Variants in XKR6 observed in about 807,000 individuals in gnomAD.
XKR6 encodes the protein XK related 6, also known as XK-related protein 6.
A neutral mutation model predicts 56.7 loss-of-function variants in XKR6; 22 were observed. The ratio of observed to expected loss-of-function variants is 0.39; its 90% CI spans 0.28 to 0.55. The LOEUF is 0.55. Among genes scored for constraint, XKR6 ranks in the 20% least tolerant of loss-of-function variants. The pLI is 0.66. For missense variants in XKR6, 852 were observed against 889.0 expected (o/e 0.96, Z 0.53); for synonymous variants, 524 against 387.8 (o/e 1.35, Z -4.13).
At chr8:11,195,157 G>T (rs1233730043) in intron 1 of XKR6, 1 of 703,284 alleles carries the variant, frequency 1.4e-6, no homozygotes, top group Admixed American at 2.0e-5. Context: ...GAAACCAGGT[G>T]AGGCAACTTC....
intron 1 of XKR6, among the ~76,000 whole-genome samples, chr8:10,968,438 G>C (rs144565864): frequency 6.6e-6 from 1 of 152,224 alleles, no homozygotes; most frequent in Admixed American, 6.5e-5. Flanking sequence ...CCCCAGCTTT[G>C]TGCCCTCAGG....
intron 1 of XKR6, among the ~76,000 whole-genome samples, chr8:11,173,137 C>T (rs1481669747): frequency 6.6e-6 from 1 of 150,790 alleles, no homozygotes; most frequent in Non-Finnish European, 1.5e-5. Context: ...AGATCGAGAC[C>T]ATCCTGGCTA....
chr8:10,982,975 A>G (rs987535338), intron 1 of XKR6, among the ~76,000 whole-genome samples: 22 of 152,158 alleles, frequency 1.4e-4, no homozygotes, highest in African/African-American at 5.1e-4. Context: ...CTCTAAGCCT[A>G]TTTTCTTATT....
intron 1 of XKR6, among the ~76,000 whole-genome samples, chr8:10,948,111 C>T (rs1187946366): frequency 6.6e-6 from 1 of 152,176 alleles, no homozygotes; most frequent in Non-Finnish European, 1.5e-5. Flanking sequence ...TGCCAGGCAC[C>T]ACCAAAATAT....
chr8:11,170,584 T>C (rs1033022473), intron 1 of XKR6, among the ~76,000 whole-genome samples: 20 of 152,352 alleles, frequency 1.3e-4, no homozygotes, highest in South Asian at 1.2e-3. Flanking sequence ...GCAGGGTTTC[T>C]TTTTTGTAGG....
At chr8:11,015,990 C>T (rs1429453822) in intron 1 of XKR6, among the ~76,000 whole-genome samples, 1 of 152,128 alleles carries the variant, frequency 6.6e-6, no homozygotes, top group African/African-American at 2.4e-5. Flanking sequence ...AGGGCTCAGA[C>T]GATCCGGCTC....
In XKR6 at chr8:11,103,141, GAATT is replaced by G. The variant is rs1395535678; in HGVS notation, c.764+97431_764+97434del. 2.6e-5 allele frequency among the ~76,000 whole-genome samples: 4 copies of G among 152,172 alleles called. No individual in the cohort carries two copies. The South Asian group carries it at 6.2e-4, about 24-fold the overall frequency. On this transcript the variant is annotated intron_variant, in intron 1 of 2. Transcript: ENST00000416569. ...AATTTTAGAAGAAATGGCAGCTACTGAATTAATCCTACTTAATCTCAATTTACAC... is the reference window on the plus strand; with the variant it reads ...AATTTTAGAAGAAATGGCAGCTACTGAATCCTACTTAATCTCAATTTACAC...
intron 1 of XKR6, among the ~76,000 whole-genome samples, chr8:11,111,008 ATTTTTTTTTTTTTTT>A (rs58233543): frequency 5.0e-4 from 57 of 114,176 alleles, no homozygotes; most frequent in Non-Finnish European, 5.2e-4. Context: ...GGCTTTTTCT[ATTTTTTTTTTTTTTT>A]TTTTTTTTTT....
intron 1 of XKR6, among the ~76,000 whole-genome samples, chr8:10,955,586 C>T (rs1201803255): frequency 6.6e-6 from 1 of 152,180 alleles, no homozygotes; most frequent in Admixed American, 6.5e-5. Context: ...TTCATAGTCC[C>T]ATTTTACAGA....
chr8:10,952,996 A>T (rs184598864), intron 1 of XKR6, among the ~76,000 whole-genome samples: 36 of 152,142 alleles, frequency 2.4e-4, no homozygotes, highest in African/African-American at 8.4e-4. Context: ...TCCTTATGAG[A>T]ATCTAATGCA....
intron 1 of XKR6, among the ~76,000 whole-genome samples, chr8:11,013,373 C>T (rs1798543295): frequency 6.6e-6 from 1 of 152,252 alleles, no homozygotes; most frequent in South Asian, 2.1e-4. Context: ...AAAGTGAGAT[C>T]TAAGAACATG....
chr8:10,939,681 G>T (rs917581094), intron 1 of XKR6, among the ~76,000 whole-genome samples: 11 of 152,242 alleles, frequency 7.2e-5, no homozygotes, highest in Non-Finnish European at 1.2e-4. Context: ...CTTCCCCTAA[G>T]TCGCTGGGTT....
intron 1 of XKR6, among the ~76,000 whole-genome samples, chr8:11,134,623 T>G (rs1015849323): frequency 6.6e-6 from 1 of 152,076 alleles, no homozygotes; most frequent in African/African-American, 2.4e-5. Flanking sequence ...GAAAAGAGAT[T>G]GGATGGTTCT....
chr8:11,127,763 G>A (rs759509532), intron 1 of XKR6, among the ~76,000 whole-genome samples: 11 of 152,118 alleles, frequency 7.2e-5, no homozygotes, highest in Non-Finnish European at 1.6e-4. Flanking sequence ...TACAATGTGC[G>A]GTTACATATT....
At chr8:11,137,168 G>T (rs1376629280) in intron 1 of XKR6, 1 of 165,052 alleles carries the variant, frequency 6.1e-6, no homozygotes, top group Non-Finnish European at 1.3e-5. Flanking sequence ...TCTAGCTCCA[G>T]TCCATCCATC....
intron 1 of XKR6, among the ~76,000 whole-genome samples, chr8:11,073,098 G>A (rs1800176183): frequency 6.6e-6 from 1 of 152,174 alleles, no homozygotes; most frequent in Non-Finnish European, 1.5e-5. Flanking sequence ...CCTGTGATTA[G>A]CACATTTCAG....
At chr8:11,001,221 T>C (rs1449079323) in intron 1 of XKR6, among the ~76,000 whole-genome samples, 1 of 152,210 alleles carries the variant, frequency 6.6e-6, no homozygotes, top group Non-Finnish European at 1.5e-5. Flanking sequence ...CCCCTTCCGA[T>C]GGAGAAACAG....
chr8:11,161,692 T>C (rs749452684), intron 1 of XKR6, among the ~76,000 whole-genome samples: 10 of 152,240 alleles, frequency 6.6e-5, no homozygotes, highest in African/African-American at 9.6e-5. Context: ...TTTAAGTCCT[T>C]AGTAAATCTT....
intron 1 of XKR6, among the ~76,000 whole-genome samples, chr8:10,974,409 G>C (rs574055209): frequency 1.3e-5 from 2 of 152,314 alleles, no homozygotes; most frequent in Non-Finnish European, 2.9e-5. Flanking sequence ...GAGGGCAACA[G>C]AGTTGAAACC....
Sources: allele counts gnomAD v4.1 joint callset (sites outside exome capture counted in the v4.1 genomes callset), GRCh38; gene constraint gnomAD v4.1.1; transcripts MANE v1.5; gene names NCBI Gene and HGNC (gene_info 2026-07-23, HGNC 2026-07-21).